ITGA2: variants seen among roughly 807,000 people sequenced by gnomAD.
The protein encoded by ITGA2 is integrin subunit alpha 2.
A neutral mutation model predicts 146.3 loss-of-function variants in ITGA2; 101 were observed. That is an observed-to-expected ratio of 0.69 (90% confidence interval 0.59 to 0.81). ITGA2 has a LOEUF of 0.81. Ranked by LOEUF, ITGA2 falls within the 40% of genes least tolerant of loss-of-function variation. The pLI is 0.00. For synonymous variants in ITGA2, 477 were observed against 487.1 expected, an observed-to-expected ratio of 0.98 and a Z score of 0.27; for missense variants, 1,281 against 1,402.7, an observed-to-expected ratio of 0.91 and a Z score of 1.39.
chr5:53,088,461 G>A (rs987589611), intron 28 of ITGA2, among the ~76,000 whole-genome samples: 1 of 152,042 alleles, frequency 6.6e-6, no homozygotes, highest in Non-Finnish European at 1.5e-5. Context: ...CGAGGCAGGC[G>A]AATCACCTGA....
chr5:53,008,188 G>A (rs914251037), intron 1 of ITGA2, among the ~76,000 whole-genome samples: 1 of 151,538 alleles, frequency 6.6e-6, no homozygotes, highest in African/African-American at 2.4e-5. Flanking sequence ...GGCTCTCTCA[G>A]GTTGGTGTTG....
intron 10 of ITGA2, among the ~76,000 whole-genome samples, chr5:53,058,447 G>A (rs1291774162): frequency 2.6e-5 from 4 of 151,826 alleles, no homozygotes; most frequent in African/African-American, 4.8e-5. Context: ...TTAAAAACAC[G>A]TACTCTTGTC....
intron 1 of ITGA2, among the ~76,000 whole-genome samples, chr5:53,003,804 G>A (rs1358627328): frequency 6.6e-6 from 1 of 152,030 alleles, no homozygotes; most frequent in Non-Finnish European, 1.5e-5. Context: ...ACCATTCATT[G>A]TTTTCTTTTT....
At chr5:53,073,922 GA>G (rs1245328677) in intron 20 of ITGA2, among the ~76,000 whole-genome samples, 8 of 71,274 alleles carry the variant, frequency 1.1e-4, no homozygotes, top group Admixed American at 3.1e-4. Context: ...CCTTTAAAGG[GA>G]AAAAAAAACC....
rs1477862278 is a variant in ITGA2, at chr5:53,009,593, G to C, written c.65-17155G>C. Among the ~76,000 whole-genome samples, 4 of 152,028 alleles carry C rather than the reference G, an allele frequency of 2.6e-5. 1 individual carries two copies. The highest frequency in any genetic ancestry group is 2.6e-4 in the Admixed American group (4 of 15,254). On this transcript the variant is annotated intron_variant, in intron 1 of 29. Coordinates refer to ENST00000296585, the MANE Select transcript of ITGA2 (RefSeq NM_002203.4). ...CTGCTAGATATAGTAAATTGTGAGA[G>C]GAAAGAGATAATTTGAAGGATCACC...
intron 3 of ITGA2, among the ~76,000 whole-genome samples, chr5:53,044,264 G>C (rs1743956025): frequency 1.2e-5 from 1 of 84,308 alleles, no homozygotes; most frequent in Non-Finnish European, 2.1e-5. Flanking sequence ...GACAGAGTGA[G>C]ACTCTGTCTC....
chr5:53,018,272 C>T (rs1374824902), intron 1 of ITGA2, among the ~76,000 whole-genome samples: 1 of 152,156 alleles, frequency 6.6e-6, no homozygotes, highest in Non-Finnish European at 1.5e-5. Flanking sequence ...GTTAAATCCT[C>T]TGGGCTCCCC....
intron 27 of ITGA2, among the ~76,000 whole-genome samples, chr5:53,084,048 CA>C (rs1236785382): frequency 1.3e-5 from 2 of 152,084 alleles, no homozygotes; most frequent in African/African-American, 2.4e-5. Flanking sequence ...AAGAAAAAGC[CA>C]AAACAATGTC....
intron 28 of ITGA2, among the ~76,000 whole-genome samples, chr5:53,088,786 A>T (rs1740263360): frequency 2.0e-5 from 3 of 152,104 alleles, no homozygotes; most frequent in Admixed American, 1.3e-4. Flanking sequence ...TCTATGAAAA[A>T]TTTTTTAATC....
intron 1 of ITGA2, among the ~76,000 whole-genome samples, chr5:53,010,118 A>G (rs972753238): frequency 7.9e-5 from 12 of 152,186 alleles, no homozygotes; most frequent in African/African-American, 2.9e-4. Flanking sequence ...CAATCAAAAT[A>G]GTGATGAGGT....
chr5:53,087,513 T>C (rs1746217673), intron 28 of ITGA2, among the ~76,000 whole-genome samples: 1 of 152,120 alleles, frequency 6.6e-6, no homozygotes, highest in African/African-American at 2.4e-5. Flanking sequence ...AAATAATGCA[T>C]TTATTAGAGG....
Position 52,998,652 on chromosome 5 carries a change from C to T in ITGA2, c.64+9120C>T, listed in dbSNP as rs966882497. Among the ~76,000 whole-genome samples the T allele has an allele frequency of 1.4e-4, 22 of 152,182 alleles. 1 individual carries two copies. Among genetic ancestry groups the T allele is most frequent in the Non-Finnish European group, 2.9e-4 (20 of 68,028 alleles). ...CTTCTAATTCAATTTAGGTATCACT[C>T]CTCACTTGGACCCTTCCATAGCAAT... On this transcript the variant is annotated intron_variant, in intron 1 of 29. Coordinates refer to ENST00000296585, the MANE Select transcript of ITGA2 (RefSeq NM_002203.4).
chr5:53,040,687 T>G (rs984947486), intron 2 of ITGA2, among the ~76,000 whole-genome samples: 1 of 152,232 alleles, frequency 6.6e-6, no homozygotes, highest in African/African-American at 2.4e-5. Flanking sequence ...AATTAAAGTG[T>G]GCTAGAGTGT....
In ITGA2 at chr5:53,080,438, C is replaced by T. The variant is rs150434176; in HGVS notation, c.2929-73C>T. ...ACCTCGTAGTTGCCCTTCATCAACA[C>T]GGGGTTACTGGTGAATTTCCTTGCA... On this transcript the variant is annotated intron_variant, in intron 24 of 29. Transcript: ENST00000296585. 4.7e-4 allele frequency: 555 copies of T among 1,179,480 alleles called. No individual in the cohort carries two copies. The African/African-American group carries it at 7.0e-3, about 15-fold the overall frequency. 73.1% of individuals were successfully genotyped at this position (1,179,480 alleles called of 1,614,324 possible).
intron 25 of ITGA2, 101 bp from the exon 26 acceptor site, chr5:53,081,491 C>T (rs1026749288): frequency 2.2e-6 from 2 of 899,838 alleles, no homozygotes; most frequent in African/African-American, 1.7e-5. Context: ...AACAGCCCTT[C>T]CCAGACCCCT....
rs1016058186 is a variant in ITGA2, at chr5:53,069,754, T to C, written c.2084-355T>C. Reference sequence around the variant, plus strand: ...TGCAGGCGCTCAGCAACTGTTCCTTTCCATTCTGTGTCTCCGTGTTATGAG... The same window carrying C: ...TGCAGGCGCTCAGCAACTGTTCCTTCCCATTCTGTGTCTCCGTGTTATGAG... On this transcript the variant is annotated intron_variant, in intron 16 of 29. Coordinates refer to ENST00000296585, the MANE Select transcript of ITGA2 (RefSeq NM_002203.4). 4.6e-5 allele frequency among the ~76,000 whole-genome samples: 7 copies of C among 151,910 alleles called. No homozygotes were observed. The South Asian group carries it at 8.3e-4, about 18-fold the overall frequency.
At chr5:53,015,931 T>C (rs192698039) in intron 1 of ITGA2, among the ~76,000 whole-genome samples, 1 of 152,302 alleles carries the variant, frequency 6.6e-6, no homozygotes, top group Non-Finnish European at 1.5e-5. Flanking sequence ...CTTCTCTGTT[T>C]GCTTGATAGA....
intron 2 of ITGA2, among the ~76,000 whole-genome samples, chr5:53,033,039 G>C (rs138017075): frequency 6.6e-6 from 1 of 152,106 alleles, no homozygotes; most frequent in Non-Finnish European, 1.5e-5. Context: ...AGGCCAAGGC[G>C]GGCGGATCAC....
chr5:52,996,353 T>C (rs1741251751), intron 1 of ITGA2, among the ~76,000 whole-genome samples: 2 of 152,088 alleles, frequency 1.3e-5, no homozygotes, highest in African/African-American at 2.4e-5. Context: ...TTGATGACTA[T>C]ACAAAGGATA....
Sources: allele counts gnomAD v4.1 joint callset (sites outside exome capture counted in the v4.1 genomes callset), GRCh38; gene constraint gnomAD v4.1.1; transcripts MANE v1.5; gene names NCBI Gene and HGNC (gene_info 2026-07-23, HGNC 2026-07-21).